The following GPC5 variants were observed in gnomAD, a reference collection of about 807,000 sequenced individuals.
The protein encoded by GPC5 is glypican 5, also known as glypican-5.
Under a neutral mutation model 53.9 loss-of-function variants are expected in GPC5, and 47 were observed. The observed-to-expected ratio is 0.87, with a 90% CI of 0.69 to 1.11. The LOEUF (loss-of-function observed/expected upper bound fraction) is 1.11, where lower values mean the gene tolerates loss of function less well. Ranked by LOEUF, GPC5 falls within the 50% of genes most tolerant of loss-of-function variation. The probability of loss-of-function intolerance (pLI) is 0.00; values close to 1 mark genes in which losing one functional copy is unlikely to be tolerated. For synonymous variants in GPC5, 286 were observed against 263.3 expected (o/e 1.09, Z -0.84); for missense variants, 748 against 713.1 (o/e 1.05, Z -0.56).
rs1566272552 is a variant in GPC5, at chr13:92,520,254, A to AG, written c.1562-346025dup. On this transcript the variant is annotated intron_variant, in intron 7 of 7. Transcript: ENST00000377067. ...AAACTATTCCAATCAGTAGGAAAAAAGGGAATCCTCCCTAACTCATTTTAA... is the reference window on the plus strand; with the variant it reads ...AAACTATTCCAATCAGTAGGAAAAAAGGGGAATCCTCCCTAACTCATTTTAA... Among the ~76,000 whole-genome samples, 6 of 152,288 alleles carry AG rather than the reference A, an allele frequency of 3.9e-5. No individual in the cohort carries two copies. The South Asian group carries it at 1.2e-3, about 32-fold the overall frequency.
chr13:92,660,552 A>C (rs1464679732), intron 7 of GPC5, among the ~76,000 whole-genome samples: 4 of 149,272 alleles, frequency 2.7e-5, no homozygotes, highest in Non-Finnish European at 1.5e-5. Flanking sequence ...AAAATTATGT[A>C]CTATTCTCTT....
intron 1 of GPC5, among the ~76,000 whole-genome samples, chr13:91,434,534 G>GTTCTGA: frequency 6.6e-6 from 1 of 152,178 alleles, no homozygotes; most frequent in South Asian, 2.1e-4. Flanking sequence ...TTATTTCTGA[G>GTTCTGA]GGCTCTGTTC....
intron 7 of GPC5, among the ~76,000 whole-genome samples, chr13:92,381,964 ATC>A (rs2043751499): frequency 5.0e-5 from 5 of 100,494 alleles, no homozygotes; most frequent in African/African-American, 3.7e-4. Context: ...GTATGTATGT[ATC>A]TATCTATCTA....
At chr13:91,519,209 C>G (rs1037895214) in intron 2 of GPC5, among the ~76,000 whole-genome samples, 3 of 152,114 alleles carry the variant, frequency 2.0e-5, no homozygotes, top group African/African-American at 7.2e-5. Flanking sequence ...ATCACTGTAC[C>G]TTATGCCTCT....
At chr13:91,874,759 T>C (rs1218981420) in intron 5 of GPC5, among the ~76,000 whole-genome samples, 2 of 152,216 alleles carry the variant, frequency 1.3e-5, no homozygotes, top group Non-Finnish European at 2.9e-5. Context: ...AAACTTAGGT[T>C]GATTCTTTCA....
At chr13:92,262,116 A>C (rs2042771869) in intron 7 of GPC5, among the ~76,000 whole-genome samples, 1 of 152,158 alleles carries the variant, frequency 6.6e-6, no homozygotes, top group Non-Finnish European at 1.5e-5. Flanking sequence ...AAAAGAAGCA[A>C]AACTTCTCTG....
At chr13:92,395,888 T>C (rs1414287119) in intron 7 of GPC5, among the ~76,000 whole-genome samples, 2 of 151,792 alleles carry the variant, frequency 1.3e-5, no homozygotes, top group Non-Finnish European at 2.9e-5. Context: ...GAATATCATA[T>C]GTGTAGGTGT....
chr13:92,112,616 A>T (rs1039745285), intron 6 of GPC5, among the ~76,000 whole-genome samples: 4 of 152,252 alleles, frequency 2.6e-5, no homozygotes, highest in African/African-American at 4.8e-5. Flanking sequence ...ATTATGATTT[A>T]AAAAAGCAGA....
At chr13:91,759,837 G>T (rs1244517986) in intron 5 of GPC5, among the ~76,000 whole-genome samples, 1 of 151,974 alleles carries the variant, frequency 6.6e-6, no homozygotes, top group Non-Finnish European at 1.5e-5. Context: ...ACTGTGGAAT[G>T]ATGTCAAATA....
intron 5 of GPC5, among the ~76,000 whole-genome samples, chr13:91,761,236 C>T (rs1201350399): frequency 6.6e-6 from 1 of 152,190 alleles, no homozygotes; most frequent in African/African-American, 2.4e-5. Context: ...TTAACTTCCA[C>T]AGTGGCTCTT....
At chr13:92,257,418 G>A (rs1232846794) in intron 7 of GPC5, among the ~76,000 whole-genome samples, 1 of 151,524 alleles carries the variant, frequency 6.6e-6, no homozygotes, top group Non-Finnish European at 1.5e-5. Context: ...TGTGATTAAT[G>A]TTTTTACTTA....
intron 2 of GPC5, among the ~76,000 whole-genome samples, chr13:91,641,196 C>T (rs1383274441): frequency 2.0e-5 from 3 of 151,790 alleles, no homozygotes; most frequent in East Asian, 2.0e-4. Flanking sequence ...GGCGTGGTGG[C>T]GGGCGCCTGT....
At chr13:91,651,331 T>C (rs1391641868) in intron 2 of GPC5, among the ~76,000 whole-genome samples, 1 of 152,188 alleles carries the variant, frequency 6.6e-6, no homozygotes, top group Non-Finnish European at 1.5e-5. Flanking sequence ...GAGATTCACA[T>C]TAGTTTATTA....
At chr13:91,896,612 G>T (rs1334010072) in intron 5 of GPC5, among the ~76,000 whole-genome samples, 1 of 152,144 alleles carries the variant, frequency 6.6e-6, no homozygotes, top group Non-Finnish European at 1.5e-5. Context: ...GGATGAAGGG[G>T]AGATTGGCCA....
intron 7 of GPC5, among the ~76,000 whole-genome samples, chr13:92,514,710 G>A (rs1880704105): frequency 6.6e-6 from 1 of 152,160 alleles, no homozygotes; most frequent in Admixed American, 6.5e-5. Context: ...CAGATGCTTT[G>A]TGAGGGGCGG....
chr13:91,917,739 A>G (rs2039673823), intron 6 of GPC5, among the ~76,000 whole-genome samples: 1 of 152,204 alleles, frequency 6.6e-6, no homozygotes, highest in East Asian at 1.9e-4. Flanking sequence ...CCTTTACTCC[A>G]GTTCCCAACA....
At chr13:92,385,656 T>TATATATAC (rs1020435089) in intron 7 of GPC5, among the ~76,000 whole-genome samples, 2 of 142,896 alleles carry the variant, frequency 1.4e-5, no homozygotes, top group African/African-American at 2.6e-5. Context: ...TATACACATA[T>TATATATAC]ATATATACAT....
At chr13:92,169,975 A>T (rs1593956547) in intron 7 of GPC5, among the ~76,000 whole-genome samples, 1 of 152,012 alleles carries the variant, frequency 6.6e-6, no homozygotes, top group East Asian at 1.9e-4. Context: ...TATATCTATC[A>T]CATTCTTATA....
chr13:91,572,112 T>C (rs2031910721), intron 2 of GPC5, among the ~76,000 whole-genome samples: 1 of 126,642 alleles, frequency 7.9e-6, no homozygotes, highest in African/African-American at 3.1e-5. Flanking sequence ...TATACACACA[T>C]GTATATATAC....
Sources: allele counts gnomAD v4.1 joint callset (sites outside exome capture counted in the v4.1 genomes callset), GRCh38; gene constraint gnomAD v4.1.1; transcripts MANE v1.5; gene names NCBI Gene and HGNC (gene_info 2026-07-23, HGNC 2026-07-21).